ETS1: variants seen among roughly 807,000 people sequenced by gnomAD.
The protein encoded by ETS1 is ETS proto-oncogene 1, transcription factor, also known as protein C-ets-1.
A neutral mutation model predicts 58.6 loss-of-function variants in ETS1; 15 were observed. The ratio of observed to expected loss-of-function variants is 0.26; its 90% CI spans 0.17 to 0.39. ETS1 has a LOEUF of 0.39. Among genes scored for constraint, ETS1 ranks in the 10% least tolerant of loss-of-function variants. The pLI is 1.00. For synonymous variants in ETS1, 214 were observed against 218.2 expected, an observed-to-expected ratio of 0.98 and a Z score of 0.17; for missense variants, 417 against 610.5, an observed-to-expected ratio of 0.68 and a Z score of 3.34.
At chr11:128,473,652 A>G (rs1357824546) in intron 8 of ETS1, among the ~76,000 whole-genome samples, 2 of 152,158 alleles carry the variant, frequency 1.3e-5, no homozygotes, top group Admixed American at 6.5e-5. Context: ...GGCATCCCCA[A>G]GTGACTGATG....
chr11:128,535,459 T>C (rs1296023040), intron 3 of ETS1, among the ~76,000 whole-genome samples: 2 of 152,234 alleles, frequency 1.3e-5, no homozygotes, highest in East Asian at 3.8e-4. Flanking sequence ...ATTTCTGCTT[T>C]TGTTGAATTG....
chr11:128,474,855 T>C (rs1862279914), intron 8 of ETS1, among the ~76,000 whole-genome samples: 1 of 152,178 alleles, frequency 6.6e-6, no homozygotes, highest in Non-Finnish European at 1.5e-5. Context: ...ATTCCCAAGC[T>C]CTTTTCCTCT....
chr11:128,567,651 G>GTTTTTGTTTTT (rs1484527552), intron 2 of ETS1, among the ~76,000 whole-genome samples: 2 of 84,364 alleles, frequency 2.4e-5, no homozygotes, highest in African/African-American at 7.8e-5. Context: ...TTTTTGTTTT[G>GTTTTTGTTTTT]AGACAGAGTC....
intron 3 of ETS1, among the ~76,000 whole-genome samples, chr11:128,520,223 C>T (rs1360108072): frequency 6.6e-6 from 1 of 152,202 alleles, no homozygotes; most frequent in Non-Finnish European, 1.5e-5. Context: ...TATACATTGT[C>T]TCTAATATTT....
chr11:128,571,107 A>G lies in ETS1; in HGVS notation c.69+1955T>C, dbSNP rs73565283. On this transcript the variant is annotated intron_variant, in intron 2 of 9. Transcript: ENST00000392668. ...TTTCCCTTGAACAGAATAGCTACTG[A>G]GAGTTTTTGGTTTTTTTTAATGCTA... Among the ~76,000 whole-genome samples the G allele has an allele frequency of 3.1e-3, 474 of 152,114 alleles. 4 individuals are homozygous for G. Among genetic ancestry groups the G allele is most frequent in the African/African-American group, 0.011 (460 of 41,484 alleles).
chr11:128,568,579 C>T (rs1864555391), intron 2 of ETS1, among the ~76,000 whole-genome samples: 1 of 152,178 alleles, frequency 6.6e-6, no homozygotes, highest in African/African-American at 2.4e-5. Context: ...ACTGTGACAC[C>T]ACCTCATTCA....
At chr11:128,521,132 G>C (rs1483100420) in intron 3 of ETS1, among the ~76,000 whole-genome samples, 1 of 129,298 alleles carries the variant, frequency 7.7e-6, no homozygotes, top group South Asian at 2.5e-4. Context: ...TTGTGTCAAA[G>C]ACAAAAAAAA....
chr11:128,578,968 T>G (rs1320899661), intron 1 of ETS1, among the ~76,000 whole-genome samples: 3 of 152,226 alleles, frequency 2.0e-5, no homozygotes, highest in Admixed American at 6.5e-5. Context: ...AAAGAGCATT[T>G]TGGGGACAAA....
intron 3 of ETS1, 132 bp from the exon 4 acceptor site, chr11:128,490,708 C>T: frequency 1.8e-6 from 1 of 560,986 alleles, no homozygotes; most frequent in Non-Finnish European, 3.0e-6. Context: ...AGCACCAGAG[C>T]AGGCAATTTT....
rs1441965005 is a variant in ETS1, at chr11:128,461,461, C to T, written c.*900G>A. On this transcript the variant is annotated 3_prime_UTR_variant, in exon 10 of 10. Coordinates refer to ENST00000392668, the MANE Select transcript of ETS1 (RefSeq NM_001143820.2). ...AATGCTTCTTAGCTCAACATTAAGT[C>T]CAAACCCCGAGAATCCACTGATAAC... 4 of 152,672 alleles carry T rather than the reference C, an allele frequency of 2.6e-5. No individual in the cohort carries two copies. The highest frequency in any genetic ancestry group is 5.9e-5 in the Non-Finnish European group (4 of 68,024). 9.5% of individuals were successfully genotyped at this position (152,672 alleles called of 1,614,324 possible).
chr11:128,479,186 C>G (rs140341416), intron 8 of ETS1, among the ~76,000 whole-genome samples: 1 of 152,196 alleles, frequency 6.6e-6, no homozygotes, highest in Non-Finnish European at 1.5e-5. Flanking sequence ...TCAGCATACT[C>G]TAAGGATCAG....
chr11:128,521,040 G>C (rs115011092), intron 3 of ETS1, among the ~76,000 whole-genome samples: 173 of 151,908 alleles, frequency 1.1e-3, no homozygotes, highest in African/African-American at 4.1e-3. Context: ...TATCCTAAAA[G>C]AAAGCATCTT....
At chr11:128,537,240 T>G (rs553049560) in intron 3 of ETS1, among the ~76,000 whole-genome samples, 3 of 152,372 alleles carry the variant, frequency 2.0e-5, no homozygotes, top group African/African-American at 7.2e-5. Flanking sequence ...TTGTTGGTTT[T>G]TTTAATTAGA....
chr11:128,493,983 G>A (rs933727310), intron 3 of ETS1, among the ~76,000 whole-genome samples: 8 of 152,024 alleles, frequency 5.3e-5, no homozygotes, highest in African/African-American at 1.2e-4. Context: ...AGCAGATATC[G>A]CTTTACTCTT....
chr11:128,573,483 C>A (rs929649615), intron 1 of ETS1, among the ~76,000 whole-genome samples: 9 of 152,104 alleles, frequency 5.9e-5, no homozygotes, highest in African/African-American at 2.2e-4. Flanking sequence ...GTGTCTCCCC[C>A]ACCCACAACC....
At chr11:128,559,560 C>T (rs1043272023) in intron 2 of ETS1, among the ~76,000 whole-genome samples, 2 of 152,094 alleles carry the variant, frequency 1.3e-5, no homozygotes, top group Non-Finnish European at 2.9e-5. Context: ...TCCGTGGAGC[C>T]ACTGGATCCT....
chr11:128,522,002 G>A, intron 3 of ETS1: 1 of 1,585,844 alleles, frequency 6.3e-7, no homozygotes, highest in African/African-American at 1.4e-5. Flanking sequence ...CATGGTGCCA[G>A]GAGTGGGGGA....
At chr11:128,489,630 GCA>G in intron 4 of ETS1, 140 bp from the exon 5 acceptor site, 1 of 667,620 alleles carries the variant, frequency 1.5e-6, no homozygotes, top group South Asian at 1.7e-5. Context: ...AGCCTAGCCT[GCA>G]CATCATTGAG....
At chr11:128,493,855 A>G (rs927769519) in intron 3 of ETS1, among the ~76,000 whole-genome samples, 1 of 152,262 alleles carries the variant, frequency 6.6e-6, no homozygotes, top group Non-Finnish European at 1.5e-5. Context: ...CATATAAAAT[A>G]CTAATTCAAA....
Sources: gnomAD v4.1 joint callset for allele counts (sites outside exome capture counted in the v4.1 genomes callset) on GRCh38, gnomAD v4.1.1 for gene constraint, MANE v1.5 for transcripts, NCBI Gene and HGNC (gene_info 2026-07-23, HGNC 2026-07-21) for gene names.